HMCN1: variants seen among roughly 807,000 people sequenced by gnomAD.
HMCN1 encodes hemicentin 1.
In HMCN1, 321 loss-of-function variants were observed where a neutral mutation model predicts 625.9. That is an observed-to-expected ratio of 0.51 (90% CI 0.47 to 0.56). The LOEUF is 0.56. Among genes scored for constraint, HMCN1 ranks in the 20% least tolerant of loss-of-function variants. HMCN1 has a pLI of 0.00. For synonymous variants in HMCN1, 2,425 were observed against 2,417.6 expected (o/e 1.00, Z -0.09); for missense variants, 6,588 against 6,887.3 (o/e 0.96, Z 1.54).
chr1:185,985,850 A>C (rs1043570262), intron 19 of HMCN1, among the ~76,000 whole-genome samples: 1 of 152,254 alleles, frequency 6.6e-6, no homozygotes, highest in African/African-American at 2.4e-5. Context: ...TAAAATAATG[A>C]ATGAATACAA....
At chr1:185,775,846 T>A (rs1338775646) in intron 1 of HMCN1, among the ~76,000 whole-genome samples, 1 of 152,156 alleles carries the variant, frequency 6.6e-6, no homozygotes, top group African/African-American at 2.4e-5. Flanking sequence ...TGGGAACATG[T>A]GTTTATTGGG....
intron 8 of HMCN1, 145 bp downstream of exon 8, chr1:185,923,798 G>T: frequency 1.4e-6 from 1 of 707,926 alleles, no homozygotes; most frequent in East Asian, 2.6e-5. Context: ...TTACATGTAC[G>T]GTAACACAGT....
At chr1:186,180,817 T>C (rs915577734) in intron 104 of HMCN1, among the ~76,000 whole-genome samples, 1 of 152,184 alleles carries the variant, frequency 6.6e-6, no homozygotes. Context: ...AAATATGGTA[T>C]TTTATAGTAT....
chr1:186,080,028 C>T (rs181027961), intron 55 of HMCN1, among the ~76,000 whole-genome samples: 2 of 152,314 alleles, frequency 1.3e-5, no homozygotes, highest in East Asian at 3.9e-4. Flanking sequence ...CCTAATGCTT[C>T]AGCTCTTGAT....
At chr1:186,060,557 A>G (rs962112320) in intron 46 of HMCN1, among the ~76,000 whole-genome samples, 3 of 152,106 alleles carry the variant, frequency 2.0e-5, no homozygotes, top group Admixed American at 6.6e-5. Flanking sequence ...TTCAGTCTAC[A>G]TACATTTCTT....
At chr1:185,984,355 A>C (rs767414619) in intron 19 of HMCN1, 42 bp downstream of exon 19, 1 of 1,588,578 alleles carries the variant, frequency 6.3e-7, no homozygotes, top group African/African-American at 1.3e-5. Flanking sequence ...AACTGTGTTC[A>C]AAGTAGTTGT....
At position 186,048,742 on chromosome 1, in the gene HMCN1, G is replaced by T; in HGVS notation, c.6481-1G>T. ...ATTTCAAAGGATGATTTTGTTTTCA[G>T]ATTGAAGATGCTCAGGTTCAAGACA... On this transcript the variant is annotated splice_acceptor_variant, in intron 41 of 106. Transcript: ENST00000271588. LOFTEE classifies it high-confidence loss of function. 2 of 1,592,282 alleles carry T rather than the reference G, an allele frequency of 1.3e-6. No homozygotes were observed. Among genetic ancestry groups the T allele is most frequent in the Non-Finnish European group, 1.7e-6 (2 of 1,160,656 alleles).
At chr1:185,867,700 C>T (rs1282276013) in intron 4 of HMCN1, among the ~76,000 whole-genome samples, 6 of 152,106 alleles carry the variant, frequency 3.9e-5, no homozygotes, top group African/African-American at 1.4e-4. Flanking sequence ...CAAGAAGACA[C>T]ATGGCTGGCA....
At chr1:185,794,931 A>C (rs765201046) in intron 1 of HMCN1, among the ~76,000 whole-genome samples, 2 of 152,232 alleles carry the variant, frequency 1.3e-5, no homozygotes, top group African/African-American at 4.8e-5. Flanking sequence ...AAATTTTTAG[A>C]TTAGAACTTT....
chr1:185,986,134 G>A (rs990536939), intron 19 of HMCN1, among the ~76,000 whole-genome samples: 1 of 152,110 alleles, frequency 6.6e-6, no homozygotes, highest in African/African-American at 2.4e-5. Context: ...GAGTAGCCTG[G>A]CATTGTTGTT....
At chr1:185,917,806 A>T (rs1230732315) in intron 6 of HMCN1, among the ~76,000 whole-genome samples, 1 of 152,150 alleles carries the variant, frequency 6.6e-6, no homozygotes, top group Non-Finnish European at 1.5e-5. Context: ...CTGACCAGGA[A>T]GATCTAAGCT....
chr1:186,036,983 T>G (rs1655871974), intron 36 of HMCN1, among the ~76,000 whole-genome samples: 1 of 152,138 alleles, frequency 6.6e-6, no homozygotes, highest in African/African-American at 2.4e-5. Context: ...ATTTATATAT[T>G]TAATTTTATT....
intron 105 of HMCN1, among the ~76,000 whole-genome samples, chr1:186,187,313 C>A (rs1189070008): frequency 6.6e-6 from 1 of 152,112 alleles, no homozygotes; most frequent in Non-Finnish European, 1.5e-5. Flanking sequence ...AGTGCCTGGG[C>A]CACTCATTTG....
intron 1 of HMCN1, among the ~76,000 whole-genome samples, chr1:185,799,517 G>A (rs1322438196): frequency 6.6e-6 from 1 of 152,120 alleles, no homozygotes; most frequent in African/African-American, 2.4e-5. Context: ...GGGGGAGTGG[G>A]GGCAAAAGTG....
chr1:186,004,446 T>TTG (rs1466981517), intron 29 of HMCN1, among the ~76,000 whole-genome samples: 319 of 152,290 alleles, frequency 2.1e-3, no homozygotes, highest in African/African-American at 7.2e-3. Flanking sequence ...TAAAAGATTG[T>TTG]ATTCAAGCTT....
At chr1:185,780,054 G>A (rs1420866428) in intron 1 of HMCN1, among the ~76,000 whole-genome samples, 1 of 152,104 alleles carries the variant, frequency 6.6e-6, no homozygotes. Context: ...CCTTGAAGAG[G>A]TCCTTCACAT....
At chr1:185,997,309 A>T in intron 24 of HMCN1, 120 bp from the exon 25 acceptor site, 1 of 723,942 alleles carries the variant, frequency 1.4e-6, no homozygotes, top group Non-Finnish European at 2.5e-6. Flanking sequence ...AATAGGAATC[A>T]TATTTAAAAG....
At chr1:185,745,919 A>G (rs1400896675) in intron 1 of HMCN1, among the ~76,000 whole-genome samples, 12 of 152,252 alleles carry the variant, frequency 7.9e-5, no homozygotes, top group Non-Finnish European at 1.6e-4. Flanking sequence ...TAGAGAACAC[A>G]GTCATTTAAA....
Position 186,087,258 on chromosome 1 carries a change from G to A in HMCN1, c.9088G>A (p.Gly3030Ser), listed in dbSNP as rs908400899. The A allele has an allele frequency of 1.2e-6, 2 of 1,613,092 alleles. No homozygotes were observed. Among genetic ancestry groups the A allele is most frequent in the Non-Finnish European group, 1.7e-6 (2 of 1,179,422 alleles). ...LQIIRAKVSD[G>S]GEYTCIAINQ... is the part of the protein sequence containing the mutation. Reference sequence around the variant, plus strand: ...GATTATTCGGGCCAAGGTATCAGATGGTGGTGAATACACTTGTATAGCTAT... The same window carrying A: ...GATTATTCGGGCCAAGGTATCAGATAGTGGTGAATACACTTGTATAGCTAT... The change falls in exon 59 of 107, where the codon GGT becomes AGT. Residue 3030 changes from glycine (G) to serine (S), a missense_variant. Physicochemically the swap from Gly to Ser is moderately conservative, Grantham distance 56. Around this residue, in one of 3 missense-constraint regions of HMCN1, gnomAD observed 4,628 missense variants for 4,853.1 expected, o/e 0.95. Coordinates refer to ENST00000271588, the MANE Select transcript of HMCN1 (RefSeq NM_031935.3).
Sources: allele counts gnomAD v4.1 joint callset (sites outside exome capture counted in the v4.1 genomes callset), GRCh38; gene constraint gnomAD v4.1.1; regional missense constraint gnomAD v4.1.1; transcripts MANE v1.5; gene names NCBI Gene and HGNC (gene_info 2026-07-23, HGNC 2026-07-21).